The following TMEM183A variants were observed in gnomAD, a reference collection of about 807,000 sequenced individuals.
TMEM183A encodes the protein transmembrane protein 183A.
Under a neutral mutation model 46.7 loss-of-function variants are expected in TMEM183A, and 21 were observed. That is an observed-to-expected ratio of 0.45 (90% confidence interval 0.32 to 0.65). The LOEUF (loss-of-function observed/expected upper bound fraction) is 0.65. Ranked by LOEUF, TMEM183A falls within the 30% of genes least tolerant of loss-of-function variation. The pLI is 0.04. For synonymous variants in TMEM183A, 165 were observed against 180.2 expected (o/e 0.92, Z 0.68); for missense variants, 331 against 481.9 (o/e 0.69, Z 2.93).
At position 203,023,427 on chromosome 1, in the gene TMEM183A, G is replaced by C. The variant is rs1026763113; in HGVS notation, c.*387G>C. On this transcript the variant is annotated 3_prime_UTR_variant, in exon 8 of 8. Coordinates refer to ENST00000367242, the MANE Select transcript of TMEM183A (RefSeq NM_138391.6). ...CCTTATGGATCAGAGGAACCTTAGA[G>C]GCCTGAAATTGTTGCTTCCAGTTTA... 6.5e-6 allele frequency: 1 copy of C among 152,826 alleles called. No homozygotes were observed. Among genetic ancestry groups the C allele is most frequent in the Admixed American group, 6.5e-5 (1 of 15,338 alleles). 9.5% of individuals were successfully genotyped at this position (152,826 alleles called of 1,614,324 possible).
Position 203,012,148 on chromosome 1 carries a change from TCACA to T in TMEM183A, c.368-2707_368-2704del, listed in dbSNP as rs767000280. Among the ~76,000 whole-genome samples the T allele has an allele frequency of 1.0e-3, 81 of 79,460 alleles. 1 individual carries two copies. Among genetic ancestry groups the T allele is most frequent in the South Asian group, 4.4e-3 (9 of 2,038 alleles). The allele number at this position is 79,460 out of a possible 152,430, so 52.1% of individuals were successfully genotyped here. A position where few individuals can be genotyped will look rare whatever the true frequency, so the allele number is the denominator to read the frequency against. ...ACTTCAACCATTACCCCCCACTCCA[TCACA>T]CACACACACACACACACACACACAC... On this transcript the variant is annotated intron_variant, in intron 3 of 7. Coordinates refer to ENST00000367242, the MANE Select transcript of TMEM183A (RefSeq NM_138391.6).
chr1:203,017,037 A>T (rs59850833), intron 5 of TMEM183A, among the ~76,000 whole-genome samples: 2 of 152,260 alleles, frequency 1.3e-5, no homozygotes, highest in South Asian at 4.1e-4. Context: ...TACCTAATAC[A>T]TATTAATTAA....
chr1:203,015,353 A>G, intron 4 of TMEM183A: 1 of 395,010 alleles, frequency 2.5e-6, no homozygotes, highest in Non-Finnish European at 4.6e-6. Context: ...TTTAGCTAGA[A>G]TGTTTAAAGC....
rs1276069130 is a variant in TMEM183A, at chr1:203,014,046, C to T, written c.368-843C>T. Among the ~76,000 whole-genome samples, 8 of 152,234 alleles carry T rather than the reference C, an allele frequency of 5.3e-5. No individual in the cohort carries two copies. In the East Asian group the frequency reaches 1.5e-3, roughly 29 times the overall value. On this transcript the variant is annotated intron_variant, in intron 3 of 7. Transcript: ENST00000367242. ...GGGATTACAGGCGTGAGCCACTACG[C>T]CCGGCCTGCCTATACCATCTTAAAG...
Position 203,018,569 on chromosome 1 carries a change from GTCT to G in TMEM183A, c.789+12_789+14del. 1 of 1,612,740 alleles carries G rather than the reference GTCT, an allele frequency of 6.2e-7. No individual in the cohort carries two copies. The highest frequency in any genetic ancestry group is 8.5e-7 in the Non-Finnish European group (1 of 1,179,598). On this transcript the variant is annotated intron_variant, in intron 6 of 7. Coordinates refer to ENST00000367242, the MANE Select transcript of TMEM183A (RefSeq NM_138391.6). Reference sequence around the variant, plus strand: ...TTCAAGTTCAAAAAACAGGTACGTGGTCTTCTCTTTGTTTTTCAGATAATACCT... The same window carrying G: ...TTCAAGTTCAAAAAACAGGTACGTGGTCTCTTTGTTTTTCAGATAATACCT...
At chr1:203,015,832 G>A in intron 4 of TMEM183A, 128 bp from the exon 5 acceptor site, 1 of 1,196,928 alleles carries the variant, frequency 8.4e-7, no homozygotes, top group Middle Eastern at 2.0e-4. Flanking sequence ...GTAGCACTGG[G>A]GACAGGCTAT....
chr1:203,015,375 A>G (rs1022513531), intron 4 of TMEM183A: 1 of 332,224 alleles, frequency 3.0e-6, no homozygotes, highest in Non-Finnish European at 5.5e-6. Context: ...ACAGATGCCT[A>G]TCTGCTCATC....
intron 3 of TMEM183A, 83 bp from the exon 4 acceptor site, chr1:203,014,806 A>T: frequency 6.5e-7 from 1 of 1,546,782 alleles, no homozygotes; most frequent in Non-Finnish European, 8.7e-7. Flanking sequence ...TAACTGTGCA[A>T]TCAATCCTTG....
chr1:203,018,688 CT>C, intron 6 of TMEM183A, 127 bp downstream of exon 6: 1 of 1,100,770 alleles, frequency 9.1e-7, no homozygotes, highest in Non-Finnish European at 1.3e-6. Flanking sequence ...AAAGAACGAA[CT>C]TTATTTCTTA....
chr1:203,015,829 TG>T, intron 4 of TMEM183A, 130 bp from the exon 5 acceptor site: 3 of 1,177,300 alleles, frequency 2.5e-6, no homozygotes, highest in South Asian at 1.6e-5. Context: ...CAAGTAGCAC[TG>T]GGGACAGGCT....
Position 203,015,067 on chromosome 1 carries a change from C to G in TMEM183A, c.527+19C>G. ...ACCGAAGGTGCGACCACAGAGAGCT[C>G]ACTCTTTTATCTGTGTGGCTGATTT... is the stretch of plus-strand genomic sequence containing the variant. On this transcript the variant is annotated intron_variant, in intron 4 of 7. Coordinates refer to ENST00000367242, the MANE Select transcript of TMEM183A (RefSeq NM_138391.6). 1 of 1,607,680 alleles carries G rather than the reference C, an allele frequency of 6.2e-7. No homozygotes were observed. The highest frequency in any genetic ancestry group is 8.5e-7 in the Non-Finnish European group (1 of 1,179,810).
At chr1:203,017,650 C>T (rs1657294117) in intron 5 of TMEM183A, 1 of 785,000 alleles carries the variant, frequency 1.3e-6, no homozygotes, top group Non-Finnish European at 1.5e-6. Context: ...CTTGTATACC[C>T]ATGATTGCGT....
intron 3 of TMEM183A, among the ~76,000 whole-genome samples, chr1:203,010,987 A>C (rs913477504): frequency 6.6e-6 from 1 of 152,216 alleles, no homozygotes; most frequent in Non-Finnish European, 1.5e-5. Context: ...CATTTAGCAT[A>C]ATGTTTTCAA....
At chr1:203,020,766 A>T (rs1657582960) in intron 6 of TMEM183A, 27 bp from the exon 7 acceptor site, 1 of 1,613,342 alleles carries the variant, frequency 6.2e-7, no homozygotes, top group African/African-American at 1.3e-5. Flanking sequence ...CTTCTAAGCC[A>T]TTGGATTAAT....
intron 2 of TMEM183A, 97 bp from the exon 3 acceptor site, chr1:203,008,546 C>T (rs201324350): frequency 5.5e-4 from 350 of 631,550 alleles, no homozygotes; most frequent in East Asian, 8.7e-4. Context: ...TGTTTTTTTT[C>T]CCCCCTTTCC....
At chr1:203,008,903 A>G in intron 3 of TMEM183A, 93 bp downstream of exon 3, 1 of 1,349,412 alleles carries the variant, frequency 7.4e-7, no homozygotes, top group Non-Finnish European at 9.7e-7. Flanking sequence ...GAGATATAAG[A>G]CGTGATACCA....
intron 6 of TMEM183A, 124 bp downstream of exon 6, chr1:203,018,685 G>A (rs925915521): frequency 1.7e-5 from 19 of 1,134,770 alleles, no homozygotes; most frequent in African/African-American, 6.3e-5. Flanking sequence ...TAAAAAGAAC[G>A]AACTTTATTT....
Position 203,015,235 on chromosome 1 carries a change from T to G in TMEM183A, c.527+187T>G. Reference sequence around the variant, plus strand: ...TGATATTATTAATTATCCAGGTAATTGTCTTCCGTGTGGTTGCCTCCTTCC... The same window carrying G: ...TGATATTATTAATTATCCAGGTAATGGTCTTCCGTGTGGTTGCCTCCTTCC... On this transcript the variant is annotated intron_variant, in intron 4 of 7. Coordinates refer to ENST00000367242, the MANE Select transcript of TMEM183A (RefSeq NM_138391.6). 4 of 870,686 alleles carry G rather than the reference T, an allele frequency of 4.6e-6. No individual in the cohort carries two copies. The South Asian group carries it at 7.6e-5, about 17-fold the overall frequency. The allele number at this position is 870,686 out of a possible 1,614,324, so 53.9% of individuals were successfully genotyped here. A position where few individuals can be genotyped will look rare whatever the true frequency, so the allele number is the denominator to read the frequency against.
intron 3 of TMEM183A, among the ~76,000 whole-genome samples, chr1:203,012,158 A>T (rs1181465067): frequency 5.5e-5 from 7 of 128,034 alleles, no homozygotes; most frequent in Admixed American, 1.6e-4. Context: ...TCACACACAC[A>T]CACACACACA....
Sources: allele counts gnomAD v4.1 joint callset (sites outside exome capture counted in the v4.1 genomes callset), GRCh38; gene constraint gnomAD v4.1.1; transcripts MANE v1.5; gene names NCBI Gene and HGNC (gene_info 2026-07-23, HGNC 2026-07-21).